Variants in CCDC18 observed in about 807,000 individuals in gnomAD.
The protein encoded by CCDC18 is coiled-coil domain containing 18, also known as coiled-coil domain-containing protein 18.
Under a neutral mutation model 196.0 loss-of-function variants are expected in CCDC18, and 157 were observed. The observed-to-expected ratio is 0.80, with a 90% confidence interval of 0.70 to 0.91. The LOEUF is 0.91. Among genes scored for constraint, CCDC18 ranks in the 40% least tolerant of loss-of-function variants. The probability of loss-of-function intolerance (pLI) is 0.00; values close to 1 mark genes in which losing one functional copy is unlikely to be tolerated. For synonymous variants in CCDC18, 482 were observed against 529.2 expected (o/e 0.91, Z 1.22); for missense variants, 1,465 against 1,611.6 (o/e 0.91, Z 1.56).
intron 23 of CCDC18, among the ~76,000 whole-genome samples, chr1:93,253,175 T>C (rs1283933187): frequency 6.6e-6 from 1 of 152,188 alleles, no homozygotes; most frequent in Non-Finnish European, 1.5e-5. Context: ...TCACAGGATA[T>C]TTCCCCAACG....
intron 6 of CCDC18, among the ~76,000 whole-genome samples, chr1:93,199,518 C>T (rs1041209507): frequency 5.3e-5 from 8 of 152,338 alleles, no homozygotes; most frequent in African/African-American, 1.9e-4. Flanking sequence ...GGTCTGGGCT[C>T]CCCTGAAGGG....
chr1:93,237,829 C>G (rs1660261778), intron 19 of CCDC18, among the ~76,000 whole-genome samples: 1 of 152,120 alleles, frequency 6.6e-6, no homozygotes, highest in African/African-American at 2.4e-5. Context: ...AATTTCTGTA[C>G]TCTAGTGATC....
chr1:93,180,650 T>G, upstream of CCDC18: 2 of 1,320,626 alleles, frequency 1.5e-6, no homozygotes, highest in Non-Finnish European at 2.0e-6. Flanking sequence ...CCCCGCGCCT[T>G]CGGCGGCGCC....
rs746862798 is a variant in CCDC18 at position 93,258,785 on chromosome 1, C to T, written c.3584C>T (p.Ala1195Val). The T allele has an allele frequency of 1.3e-6, 2 of 1,583,242 alleles. No individual in the cohort carries two copies. Among genetic ancestry groups the T allele is most frequent in the South Asian group, 2.3e-5 (2 of 85,824 alleles). The change falls in exon 26 of 29, where the codon GCT (alanine) becomes GTT (valine). Residue 1195 changes from alanine to valine, a missense_variant. By Grantham distance (64) the Ala-to-Val change is moderately conservative. Coordinates refer to ENST00000690025, the MANE Select transcript of CCDC18 (RefSeq NM_001378204.1). The part of the protein sequence containing the change: ...HGNHLAEELG[A>V]SKVREAHLEA... ...AACCATTTAGCTGAAGAACTGGGGG[C>T]TTCTAAAGTACGTGAAGCTCATTTA...
chr1:93,210,025 C>T (rs944646353), intron 9 of CCDC18, among the ~76,000 whole-genome samples: 7 of 152,088 alleles, frequency 4.6e-5, no homozygotes, highest in Non-Finnish European at 8.8e-5. Flanking sequence ...ATCATAAGCT[C>T]CAGTCTGGGT....
chr1:93,264,321 A>G (rs986087192), intron 26 of CCDC18, among the ~76,000 whole-genome samples: 9 of 152,178 alleles, frequency 5.9e-5, no homozygotes, highest in African/African-American at 2.2e-4. Flanking sequence ...GATAAGGGCT[A>G]TTTTTTGGAA....
intron 27 of CCDC18, among the ~76,000 whole-genome samples, chr1:93,268,366 A>G (rs1465014983): frequency 6.6e-6 from 1 of 152,236 alleles, no homozygotes; most frequent in Non-Finnish European, 1.5e-5. Flanking sequence ...GCATGGGCAT[A>G]GGCATGGGCA....
chr1:93,246,492 GTTA>G (rs1259109131), intron 22 of CCDC18, among the ~76,000 whole-genome samples: 1 of 152,006 alleles, frequency 6.6e-6, no homozygotes, highest in Non-Finnish European at 1.5e-5. Flanking sequence ...TTTGGAAGGC[GTTA>G]TTTAGCACTT....
At chr1:93,232,337 T>TA in intron 17 of CCDC18, 89 bp from the exon 18 acceptor site, 2 of 736,200 alleles carry the variant, frequency 2.7e-6, no homozygotes, top group Non-Finnish European at 4.5e-6. Context: ...AGTGGATGGT[T>TA]ATCTAATAAG....
At chr1:93,184,212 A>T (rs560452055) in intron 3 of CCDC18, 66 bp downstream of exon 3, 331 of 816,306 alleles carry the variant, frequency 4.1e-4, no homozygotes, top group South Asian at 7.1e-4. Flanking sequence ...CTTAAAAAAA[A>T]TTTTTTTTAA....
At chr1:93,245,978 C>A in intron 21 of CCDC18, 127 bp from the exon 22 acceptor site, 1 of 487,684 alleles carries the variant, frequency 2.1e-6, no homozygotes, top group Non-Finnish European at 3.7e-6. Context: ...TTGACCCTTT[C>A]AATCTGACTT....
chr1:93,207,089 A>G lies in CCDC18; in HGVS notation c.918-18A>G. ...GCATATATATTTTATTTTCATTTTT[A>G]TTCTCTTTTCTTCATAGGCAGTTAA... On this transcript the variant is annotated intron_variant, in intron 8 of 28. Transcript: ENST00000690025. 1.5e-6 allele frequency: 2 copies of G among 1,305,190 alleles called. No individual in the cohort carries two copies. The highest frequency in any genetic ancestry group is 2.1e-6 in the Non-Finnish European group (2 of 951,392). 80.9% of individuals were successfully genotyped at this position (1,305,190 alleles called of 1,614,324 possible). A position where few individuals can be genotyped will look rare whatever the true frequency, so the allele number is the denominator to read the frequency against.
At chr1:93,201,494 G>T (rs1653824811) in intron 6 of CCDC18, among the ~76,000 whole-genome samples, 1 of 151,970 alleles carries the variant, frequency 6.6e-6, no homozygotes, top group South Asian at 2.1e-4. Context: ...CTTTGCAAAG[G>T]TCACAGAATT....
chr1:93,265,810 T>G (rs970422893), intron 27 of CCDC18, among the ~76,000 whole-genome samples: 2 of 152,168 alleles, frequency 1.3e-5, no homozygotes, highest in Non-Finnish European at 2.9e-5. Flanking sequence ...CTTAGAGACC[T>G]ACAAAGAGAC....
intron 23 of CCDC18, among the ~76,000 whole-genome samples, chr1:93,250,113 A>G (rs974563382): frequency 6.6e-6 from 1 of 151,990 alleles, no homozygotes; most frequent in Admixed American, 6.6e-5. Context: ...TTAAAATTTG[A>G]TGAGACTTAT....
At chr1:93,232,329 T>C in intron 17 of CCDC18, 97 bp from the exon 18 acceptor site, 1 of 698,640 alleles carries the variant, frequency 1.4e-6, no homozygotes. Context: ...ACATGACAAG[T>C]GGATGGTTAT....
At position 93,256,315 on chromosome 1, in the gene CCDC18, A is replaced by G; in HGVS notation, c.3343-20A>G. ...CTATATATTTCATTCTGAAACCTAC[A>G]AATACCTTATGCTTTTCAGGTTATG... On this transcript the variant is annotated intron_variant, in intron 24 of 28. Coordinates refer to ENST00000690025, the MANE Select transcript of CCDC18 (RefSeq NM_001378204.1). The G allele has an allele frequency of 6.2e-7, 1 of 1,608,096 alleles. No individual in the cohort carries two copies. The highest frequency in any genetic ancestry group is 8.5e-7 in the Non-Finnish European group (1 of 1,175,360).
intron 10 of CCDC18, among the ~76,000 whole-genome samples, chr1:93,211,750 G>C (rs1655685712): frequency 6.6e-6 from 1 of 152,014 alleles, no homozygotes; most frequent in African/African-American, 2.4e-5. Context: ...TTCCTTTATA[G>C]GTATCTTGTT....
In CCDC18 at chr1:93,226,462, T is replaced by G; in HGVS notation, c.2292+13T>G. 8.9e-7 allele frequency: 1 copy of G among 1,123,268 alleles called. No individual in the cohort carries two copies. The highest frequency in any genetic ancestry group is 2.4e-5 in the East Asian group (1 of 42,132). 69.6% of individuals were successfully genotyped at this position (1,123,268 alleles called of 1,614,324 possible). A position where few individuals can be genotyped will look rare whatever the true frequency, so the allele number is the denominator to read the frequency against. ...GAAATCTGAAGAGGTAAATTAACAT[T>G]TACTTTATATATAGCATATATTTCA... On this transcript the variant is annotated intron_variant, in intron 17 of 28. Transcript: ENST00000690025.
Sources: gnomAD v4.1 joint callset for allele counts (sites outside exome capture counted in the v4.1 genomes callset) on GRCh38, gnomAD v4.1.1 for gene constraint, MANE v1.5 for transcripts, NCBI Gene and HGNC (gene_info 2026-07-23, HGNC 2026-07-21) for gene names.